The following SMU1 variants were observed in gnomAD, a reference collection of about 807,000 sequenced individuals.
SMU1 encodes SMU1 DNA replication regulator and spliceosomal factor.
Under a neutral mutation model 62.0 loss-of-function variants are expected in SMU1, and 2 were observed. That is an observed-to-expected ratio of 0.03 (90% CI 0.01 to 0.10). The LOEUF (loss-of-function observed/expected upper bound fraction) is 0.10, where lower values mean the gene tolerates loss of function less well. Ranked by LOEUF, SMU1 falls within the 10% of genes least tolerant of loss-of-function variation. The pLI, the probability that SMU1 is intolerant of heterozygous loss-of-function variation, is 1.00. For missense variants in SMU1, 227 were observed against 622.1 expected (o/e 0.36, Z 6.76); for synonymous variants, 188 against 212.4 (o/e 0.89, Z 1.00).
intron 2 of SMU1, among the ~76,000 whole-genome samples, chr9:33,073,132 C>G (rs1486888514): frequency 6.6e-6 from 1 of 152,140 alleles, no homozygotes; most frequent in Admixed American, 6.5e-5. Context: ...GAGGCTCTCT[C>G]GTGCCTGTAA....
chr9:33,065,115 T>C (rs543821897), intron 4 of SMU1, among the ~76,000 whole-genome samples: 2 of 152,260 alleles, frequency 1.3e-5, no homozygotes, highest in East Asian at 3.9e-4. Flanking sequence ...TACTATAATT[T>C]CCAAATCTAT....
At chr9:33,058,416 G>A (rs111453577) in intron 6 of SMU1, among the ~76,000 whole-genome samples, 117 of 152,102 alleles carry the variant, frequency 7.7e-4, no homozygotes, top group African/African-American at 2.6e-3. Context: ...TCCTGGGTTC[G>A]AGCAATACTC....
intron 10 of SMU1, among the ~76,000 whole-genome samples, chr9:33,048,788 G>A (rs955538685): frequency 4.6e-5 from 7 of 152,184 alleles, no homozygotes; most frequent in African/African-American, 1.7e-4. Flanking sequence ...TTTTCAAAAT[G>A]ACAAAATTAT....
intron 3 of SMU1, among the ~76,000 whole-genome samples, chr9:33,069,818 C>T (rs1554681629): frequency 6.6e-6 from 1 of 151,584 alleles, no homozygotes; most frequent in Non-Finnish European, 1.5e-5. Context: ...AATAAATAAA[C>T]AAATAAATAA....
rs746899897 is a variant in SMU1, at chr9:33,045,888, GC to G, written c.*1404del. Reference sequence around the variant, plus strand: ...TTTTAAAAAGGTAAATTACAAGACTGCAAAACTTTTTAAAAAAACCTTCCCC... The same window carrying G: ...TTTTAAAAAGGTAAATTACAAGACTGAAAACTTTTTAAAAAAACCTTCCCC... On this transcript the variant is annotated 3_prime_UTR_variant, in exon 12 of 12. Transcript: ENST00000397149. 6.6e-6 allele frequency: 1 copy of G among 152,064 alleles called. No homozygotes were observed. Among genetic ancestry groups the G allele is most frequent in the Non-Finnish European group, 1.5e-5 (1 of 68,016 alleles). The allele number at this position is 152,064 out of a possible 1,614,324, so 9.4% of individuals were successfully genotyped here. A position where few individuals can be genotyped will look rare whatever the true frequency, so the allele number is the denominator to read the frequency against.
At position 33,047,093 on chromosome 9, in the gene SMU1, A is replaced by T; in HGVS notation, c.*200T>A. 4.4e-6 allele frequency: 2 copies of T among 457,736 alleles called. No homozygotes were observed. Among genetic ancestry groups the T allele is most frequent in the Non-Finnish European group, 3.9e-6 (1 of 257,956 alleles). 28.4% of individuals were successfully genotyped at this position (457,736 alleles called of 1,614,324 possible). On this transcript the variant is annotated 3_prime_UTR_variant, in exon 12 of 12. Transcript: ENST00000397149. The stretch of plus-strand genomic sequence containing the variant: ...TTAAGTGACTGCACCAGTTAGAAGA[A>T]GATAAACTAATACCTTAAAAATATA...
intron 4 of SMU1, among the ~76,000 whole-genome samples, chr9:33,063,689 T>C (rs1839388475): frequency 6.7e-6 from 1 of 149,156 alleles, no homozygotes; most frequent in African/African-American, 2.5e-5. Context: ...AACCCTATTT[T>C]GAAATGCGCA....
At chr9:33,063,631 T>C (rs1421787037) in intron 4 of SMU1, among the ~76,000 whole-genome samples, 1 of 151,736 alleles carries the variant, frequency 6.6e-6, no homozygotes, top group Admixed American at 6.6e-5. Context: ...CAGTCTGAGC[T>C]CCACCTCCTG....
At chr9:33,048,541 T>A (rs557251706) in intron 10 of SMU1, among the ~76,000 whole-genome samples, 4 of 152,184 alleles carry the variant, frequency 2.6e-5, no homozygotes, top group Admixed American at 2.0e-4. Flanking sequence ...GCAAATTTCA[T>A]TGCCATACAA....
chr9:33,072,323 C>T (rs1291283708), intron 2 of SMU1, among the ~76,000 whole-genome samples: 5 of 151,912 alleles, frequency 3.3e-5, no homozygotes, highest in African/African-American at 4.8e-5. Context: ...GGCGACAGAG[C>T]GAGATCTGTC....
At chr9:33,064,748 T>A (rs1356422460) in intron 4 of SMU1, among the ~76,000 whole-genome samples, 1 of 151,850 alleles carries the variant, frequency 6.6e-6, no homozygotes, top group Non-Finnish European at 1.5e-5. Flanking sequence ...TTTTCTTTTT[T>A]TTTTTTTTAA....
intron 2 of SMU1, 131 bp downstream of exon 2, chr9:33,073,465 A>T: frequency 1.6e-6 from 1 of 617,950 alleles, no homozygotes; most frequent in Non-Finnish European, 2.9e-6. Context: ...ATACAATGTC[A>T]AGCCTTGCCA....
intron 10 of SMU1, among the ~76,000 whole-genome samples, chr9:33,048,900 T>C (rs1338729880): frequency 6.6e-6 from 1 of 152,170 alleles, no homozygotes; most frequent in Non-Finnish European, 1.5e-5. Flanking sequence ...AAAGTGAAAA[T>C]ACTTAGGTAT....
Position 33,060,446 on chromosome 9 carries a change from C to T in SMU1, c.750+19G>A, listed in dbSNP as rs762324045. ...GTAATTTTTCCACTAGGAAGGTTAA[C>T]ACATTTAAAATACTTTACCTTTCTG... On this transcript the variant is annotated intron_variant, in intron 6 of 11. Transcript: ENST00000397149. The T allele has an allele frequency of 3.4e-5, 54 of 1,585,988 alleles. No individual in the cohort carries two copies. In the South Asian group the frequency reaches 5.9e-4, roughly 17 times the overall value.
intron 7 of SMU1, 134 bp from the exon 8 acceptor site, chr9:33,057,098 A>G: frequency 1.2e-6 from 1 of 824,102 alleles, no homozygotes; most frequent in Non-Finnish European, 1.9e-6. Flanking sequence ...TAATAGCTGA[A>G]TATGATGTCT....
chr9:33,049,832 G>T (rs980751159), intron 10 of SMU1, among the ~76,000 whole-genome samples: 7 of 151,938 alleles, frequency 4.6e-5, no homozygotes, highest in African/African-American at 1.7e-4. Context: ...CAGCCACTTA[G>T]AAGACTGAGG....
intron 4 of SMU1, among the ~76,000 whole-genome samples, 193 bp downstream of exon 4, chr9:33,068,631 A>G (rs1010500172): frequency 1.2e-4 from 18 of 152,046 alleles, no homozygotes; most frequent in Admixed American, 3.3e-4. Flanking sequence ...CAGCCTCCCA[A>G]GTAACTGAGA....
At chr9:33,049,378 T>C (rs992294311) in intron 10 of SMU1, among the ~76,000 whole-genome samples, 2 of 152,166 alleles carry the variant, frequency 1.3e-5, no homozygotes, top group Non-Finnish European at 2.9e-5. Context: ...AATTCGACAC[T>C]TACATGCAAG....
chr9:33,042,104 C>G lies in SMU1; in HGVS notation c.*5189G>C, dbSNP rs1198434861. 6.6e-6 allele frequency: 1 copy of G among 152,538 alleles called. No homozygotes were observed. Among genetic ancestry groups the G allele is most frequent in the Non-Finnish European group, 1.5e-5 (1 of 68,018 alleles). 9.4% of individuals were successfully genotyped at this position (152,538 alleles called of 1,614,324 possible). A position where few individuals can be genotyped will look rare whatever the true frequency, so the allele number is the denominator to read the frequency against. ...TTTACAATTAAAAATCCTAAGAACA[C>G]TAAAAGAAAGTCATATTAGGTCGGT... On this transcript the variant is annotated 3_prime_UTR_variant, in exon 12 of 12. Transcript: ENST00000397149.
Sources: allele counts gnomAD v4.1 joint callset (sites outside exome capture counted in the v4.1 genomes callset), GRCh38; gene constraint gnomAD v4.1.1; transcripts MANE v1.5; gene names NCBI Gene and HGNC (gene_info 2026-07-23, HGNC 2026-07-21).